Variants in ZNF438 observed in about 807,000 individuals in gnomAD.
ZNF438 encodes the protein zinc finger protein 438.
Under a neutral mutation model 38.0 loss-of-function variants are expected in ZNF438, and 25 were observed. The ratio of observed to expected loss-of-function variants is 0.66; its 90% CI spans 0.48 to 0.92. The LOEUF (loss-of-function observed/expected upper bound fraction) is 0.92. ZNF438 is among the 40% of genes least tolerant of loss of function. The pLI is 0.00. For synonymous variants in ZNF438, 372 were observed against 364.1 expected, an observed-to-expected ratio of 1.02 and a Z score of -0.25; for missense variants, 1,007 against 999.6, an observed-to-expected ratio of 1.01 and a Z score of -0.10.
chr10:31,032,017 CACCCCGCGCAGGCGCAGACGG>C (rs1478137123), upstream of ZNF438: 6 of 152,150 alleles, frequency 3.9e-5, no homozygotes, highest in Non-Finnish European at 8.8e-5. Flanking sequence ...CCGTAGCAGA[CACCCCGCGCAGGCGCAGACGG>C]CCTCTGCGCC....
chr10:31,014,242 CA>C (rs1357432073), intron 1 of ZNF438, among the ~76,000 whole-genome samples: 1 of 152,112 alleles, frequency 6.6e-6, no homozygotes, highest in Non-Finnish European at 1.5e-5. Flanking sequence ...TCTGAGCTAC[CA>C]CAACAACAGA....
In ZNF438 at chr10:30,849,882, G is replaced by C. The variant is rs142286291; in HGVS notation, c.523C>G (p.Pro175Ala). The change falls in exon 5 of 6, where the codon CCA (proline) becomes GCA (alanine). Residue 175 changes from proline (P) to alanine (A), a missense_variant. Coordinates refer to ENST00000413025, the Ensembl canonical transcript of ZNF438. ...TCTAGTGATGGTACTTCCTCAAATG[G>C]ACTGGGTTTGTACAGGAGTTCAGGG... 7.2e-5 allele frequency: 116 copies of C among 1,614,138 alleles called. No homozygotes were observed. In the African/African-American group the frequency reaches 1.4e-3, roughly 19 times the overall value.
chr10:30,892,720 AAT>A (rs926571820), intron 3 of ZNF438, among the ~76,000 whole-genome samples: 16 of 152,202 alleles, frequency 1.1e-4, no homozygotes, highest in African/African-American at 3.4e-4. Flanking sequence ...CCCTTTCAGA[AAT>A]GGTTTTATGT....
Position 30,892,582 on chromosome 10 carries a change from CA to C in ZNF438, c.-31-15518del, listed in dbSNP as rs201287314. On this transcript the variant is annotated intron_variant, in intron 3 of 5. Transcript: ENST00000413025. ...TTGATTAAAAATATGAATACCAGTCCAAAAAAAAAAAGTTCAAGCACTAAAA... is the reference window on the plus strand; with the variant it reads ...TTGATTAAAAATATGAATACCAGTCCAAAAAAAAAAGTTCAAGCACTAAAA... Among the ~76,000 whole-genome samples, 182 of 138,190 alleles carry C rather than the reference CA, an allele frequency of 1.3e-3. 1 individual carries two copies. Among genetic ancestry groups the C allele is most frequent in the Admixed American group, 2.4e-3 (33 of 13,858 alleles). 90.7% of individuals were successfully genotyped at this position (138,190 alleles called of 152,430 possible). A position where few individuals can be genotyped will look rare whatever the true frequency, so the allele number is the denominator to read the frequency against.
intron 1 of ZNF438, among the ~76,000 whole-genome samples, chr10:30,987,135 G>A (rs373759298): frequency 2.6e-5 from 4 of 151,784 alleles, no homozygotes; most frequent in African/African-American, 7.3e-5. Flanking sequence ...ATTTACAAAC[G>A]TTTATACACA....
rs535540829 is a variant in ZNF438, at chr10:30,875,431, T to C, written c.37+1567A>G. ...ACTTTGCCTGGGGTTCCACAGCTGG[T>C]TGGAGGCAGGTATGGAATGGAGTCC... is the stretch of plus-strand genomic sequence containing the variant. On this transcript the variant is annotated intron_variant, in intron 4 of 5. Coordinates refer to ENST00000413025, the Ensembl canonical transcript of ZNF438. 8.2e-6 allele frequency: 8 copies of C among 979,314 alleles called. No homozygotes were observed. The South Asian group carries it at 3.3e-4, about 40-fold the overall frequency. 60.7% of individuals were successfully genotyped at this position (979,314 alleles called of 1,614,324 possible). A position where few individuals can be genotyped will look rare whatever the true frequency, so the allele number is the denominator to read the frequency against.
intron 4 of ZNF438, among the ~76,000 whole-genome samples, chr10:30,856,536 C>T (rs776170434): frequency 2.6e-4 from 40 of 152,178 alleles, no homozygotes; most frequent in Non-Finnish European, 5.1e-4. Context: ...TTCCACTACA[C>T]ATTTACAAGG....
chr10:30,939,284 A>G (rs1387306440), intron 2 of ZNF438, among the ~76,000 whole-genome samples: 2 of 152,250 alleles, frequency 1.3e-5, no homozygotes, highest in South Asian at 2.1e-4. Context: ...GTTTATGTGC[A>G]TACTGACGTG....
At chr10:30,937,555 G>T (rs543217296) in intron 2 of ZNF438, among the ~76,000 whole-genome samples, 1 of 152,188 alleles carries the variant, frequency 6.6e-6, no homozygotes, top group Non-Finnish European at 1.5e-5. Context: ...TACATGAGTA[G>T]ACAATGGTCT....
chr10:30,935,469 G>A (rs555397769), intron 2 of ZNF438, among the ~76,000 whole-genome samples: 4 of 152,240 alleles, frequency 2.6e-5, no homozygotes, highest in African/African-American at 7.2e-5. Context: ...GAGGTGCCAC[G>A]CTCTTTTTAA....
In ZNF438 at chr10:31,010,892, G is replaced by GAAAAAAAA. The variant is rs563189482; in HGVS notation, c.-192+20933_-192+20940dup. On this transcript the variant is annotated intron_variant, in intron 1 of 5. Transcript: ENST00000413025. The stretch of plus-strand genomic sequence containing the variant: ...TGGATAACGAAGTGAGACCCTGTTT[G>GAAAAAAAA]AAAAAAAAAAAAAAAAAAAAAAAAA... 2.1e-3 allele frequency among the ~76,000 whole-genome samples: 197 copies of GAAAAAAAA among 92,572 alleles called. 22 individuals carry two copies. The highest frequency in any genetic ancestry group is 9.1e-3 in the African/African-American group (171 of 18,702). The allele number at this position is 92,572 out of a possible 152,430, so 60.7% of individuals were successfully genotyped here. A position where few individuals can be genotyped will look rare whatever the true frequency, so the allele number is the denominator to read the frequency against.
rs76042649 is a variant in ZNF438 at position 30,974,412 on chromosome 10, G to A, written c.-191-32761C>T. ...CGCTTTAGCCTGGGAGTTCAAGGCT[G>A]CAGTAAGCTATCATCAAGCTATTGC... On this transcript the variant is annotated intron_variant, in intron 1 of 5. Coordinates refer to ENST00000413025, the Ensembl canonical transcript of ZNF438. Among the ~76,000 whole-genome samples, 618 of 152,318 alleles carry A rather than the reference G, an allele frequency of 4.1e-3. 7 individuals are homozygous for A. Among genetic ancestry groups the A allele is most frequent in the African/African-American group, 0.014 (579 of 41,572 alleles).
intron 2 of ZNF438, among the ~76,000 whole-genome samples, chr10:30,913,397 C>T (rs755329246): frequency 6.6e-6 from 1 of 152,102 alleles, no homozygotes; most frequent in Middle Eastern, 3.4e-3. Flanking sequence ...GGTCTTTGCC[C>T]ATGCCCTTTC....
Position 30,930,289 on chromosome 10 carries a change from C to T in ZNF438, c.-115+11286G>A, listed in dbSNP as rs1043973650. Among the ~76,000 whole-genome samples, 26 of 152,242 alleles carry T rather than the reference C, an allele frequency of 1.7e-4. No homozygotes were observed. The South Asian group carries it at 3.9e-3, about 23-fold the overall frequency. On this transcript the variant is annotated intron_variant, in intron 2 of 5. Transcript: ENST00000413025. Reference sequence around the variant, plus strand: ...GGTGGGCTGGCAGTGTTGGGGGACCCGGTGCACCCTCCGCAGCTGTTGGCC... The same window carrying T: ...GGTGGGCTGGCAGTGTTGGGGGACCTGGTGCACCCTCCGCAGCTGTTGGCC...
At chr10:30,883,300 A>G (rs2039514921) in intron 3 of ZNF438, among the ~76,000 whole-genome samples, 1 of 152,164 alleles carries the variant, frequency 6.6e-6, no homozygotes, top group South Asian at 2.1e-4. Flanking sequence ...GGCAATGTGC[A>G]TCCTGAGCTT....
In ZNF438 at chr10:30,876,507, G is replaced by A. The variant is rs533096568; in HGVS notation, c.37+491C>T. Among the ~76,000 whole-genome samples the A allele has an allele frequency of 3.9e-5, 6 of 152,226 alleles. No homozygotes were observed. The South Asian group carries it at 1.2e-3, about 32-fold the overall frequency. The stretch of plus-strand genomic sequence containing the variant: ...TTTTATTTTTTATACATTGCAAAAA[G>A]TAAAATAGTTTTTCTATTTCTTTTT... On this transcript the variant is annotated intron_variant, in intron 4 of 5. Transcript: ENST00000413025.
In ZNF438 at chr10:30,872,425, CAAAAAAAAAAAAAAAAAAAAAAAA is replaced by C. The variant is rs566401687; in HGVS notation, c.37+4549_37+4572del. ...TGGGTGACAGAACAAGACTCTGTCTCAAAAAAAAAAAAAAAAAAAAAAAAAAAAAAAAAAAAAAAAAGAGGTCAG... is the reference window on the plus strand; with the variant it reads ...TGGGTGACAGAACAAGACTCTGTCTCAAAAAAAAAAAAAAAAAGAGGTCAG... On this transcript the variant is annotated intron_variant, in intron 4 of 5. Transcript: ENST00000413025. Among the ~76,000 whole-genome samples, 196 of 58,696 alleles carry C rather than the reference CAAAAAAAAAAAAAAAAAAAAAAAA, an allele frequency of 3.3e-3. 3 individuals are homozygous for C. Among genetic ancestry groups the C allele is most frequent in the Middle Eastern group, 0.016 (1 of 64 alleles). 38.5% of individuals were successfully genotyped at this position (58,696 alleles called of 152,430 possible).
exon 5 of ZNF438, chr10:30,849,667 T>C (rs1200325816): frequency 6.2e-7 from 1 of 1,614,222 alleles, no homozygotes; most frequent in Non-Finnish European, 8.5e-7. Context: ...TACTAGATGT[T>C]ATCTTGCTTA....
At chr10:31,020,381 C>T (rs568586105) in intron 1 of ZNF438, among the ~76,000 whole-genome samples, 9 of 152,184 alleles carry the variant, frequency 5.9e-5, no homozygotes, top group East Asian at 3.9e-4. Context: ...TCAGGAGAGG[C>T]GGCAATTACA....
Sources: gnomAD v4.1 joint callset for allele counts (sites outside exome capture counted in the v4.1 genomes callset) on GRCh38, gnomAD v4.1.1 for gene constraint, MANE v1.5 for transcripts, NCBI Gene and HGNC (gene_info 2026-07-23, HGNC 2026-07-21) for gene names.